TCF4: variants seen among roughly 807,000 people sequenced by gnomAD.
The protein encoded by TCF4 is transcription factor 4.
Under a neutral mutation model 82.1 loss-of-function variants are expected in TCF4, and 3 were observed. That is an observed-to-expected ratio of 0.04 (90% CI 0.02 to 0.09). The LOEUF (loss-of-function observed/expected upper bound fraction) is 0.09, where lower values mean the gene tolerates loss of function less well. Among genes scored for constraint, TCF4 ranks in the 10% least tolerant of loss-of-function variants. The probability of loss-of-function intolerance (pLI) is 1.00; values close to 1 mark genes in which losing one functional copy is unlikely to be tolerated. For synonymous variants in TCF4, 276 were observed against 309.6 expected, an observed-to-expected ratio of 0.89 and a Z score of 1.14; for missense variants, 518 against 852.7, an observed-to-expected ratio of 0.61 and a Z score of 4.89.
At chr18:55,615,340 A>G (rs1248500959) in intron 2 of TCF4, among the ~76,000 whole-genome samples, 2 of 151,930 alleles carry the variant, frequency 1.3e-5, no homozygotes, top group East Asian at 1.9e-4. Flanking sequence ...TAAATTTCTA[A>G]TTGTTCTTAG....
intron 3 of TCF4, among the ~76,000 whole-genome samples, chr18:55,560,034 T>C (rs1400445899): frequency 6.6e-6 from 1 of 152,184 alleles, no homozygotes; most frequent in African/African-American, 2.4e-5. Context: ...CCACTGAATA[T>C]TAGAAGCTGT....
At chr18:55,320,643 C>A (rs1032088897) in intron 8 of TCF4, among the ~76,000 whole-genome samples, 1 of 152,204 alleles carries the variant, frequency 6.6e-6, no homozygotes, top group African/African-American at 2.4e-5. Context: ...TTCCTGAAAG[C>A]TCTGATCTGT....
intron 9 of TCF4, among the ~76,000 whole-genome samples, chr18:55,276,346 A>G (rs2061494834): frequency 6.6e-6 from 1 of 152,182 alleles, no homozygotes; most frequent in South Asian, 2.1e-4. Flanking sequence ...GTGTATAGGT[A>G]TATAGCTATC....
chr18:55,616,284 A>G lies in TCF4; in HGVS notation c.286+15014T>C, dbSNP rs190306301. On this transcript the variant is annotated intron_variant, in intron 2 of 20. Coordinates refer to the TCF4 transcript ENST00000398339. ...AGCATAATGTCCTCCAGGTTCATCC[A>G]TGTGGTCACACATGACAGGATTTTT... 4.6e-5 allele frequency among the ~76,000 whole-genome samples: 7 copies of G among 152,236 alleles called. No individual in the cohort carries two copies. In the East Asian group the frequency reaches 1.2e-3, roughly 25 times the overall value.
At chr18:55,329,930 C>T (rs1296800028) in intron 8 of TCF4, among the ~76,000 whole-genome samples, 2 of 152,162 alleles carry the variant, frequency 1.3e-5, no homozygotes, top group Non-Finnish European at 2.9e-5. Flanking sequence ...AACAGGTCAA[C>T]TCTCACCCTT....
chr18:55,468,290 G>A (rs974891612), intron 3 of TCF4, among the ~76,000 whole-genome samples: 3 of 152,110 alleles, frequency 2.0e-5, no homozygotes, highest in Non-Finnish European at 4.4e-5. Context: ...GCTAGAAGTG[G>A]GTCAAAACTT....
At chr18:55,253,205 A>G (rs931762177) in intron 15 of TCF4, among the ~76,000 whole-genome samples, 6 of 152,210 alleles carry the variant, frequency 3.9e-5, no homozygotes, top group African/African-American at 1.4e-4. Flanking sequence ...TTAGACTTTT[A>G]TTAAGAGAAA....
chr18:55,346,203 TA>T (rs2081143627), intron 8 of TCF4, among the ~76,000 whole-genome samples: 1 of 152,192 alleles, frequency 6.6e-6, no homozygotes, highest in Admixed American at 6.5e-5. Flanking sequence ...AATCCATACT[TA>T]AATATTTCAT....
chr18:55,292,840 C>T (rs1021925742), intron 8 of TCF4, among the ~76,000 whole-genome samples: 2 of 151,882 alleles, frequency 1.3e-5, no homozygotes, highest in Non-Finnish European at 2.9e-5. Context: ...CATCTTTATA[C>T]GTCTATATTT....
At chr18:55,301,128 G>A (rs557119307) in intron 8 of TCF4, among the ~76,000 whole-genome samples, 1 of 152,186 alleles carries the variant, frequency 6.6e-6, no homozygotes, top group Admixed American at 6.5e-5. Flanking sequence ...CCAATTACAA[G>A]GCAATTAGAA....
In TCF4 at chr18:55,279,792, C is replaced by T. The variant is rs2062177200; in HGVS notation, c.550-136G>A. 1.2e-5 allele frequency: 16 copies of T among 1,379,386 alleles called. 1 individual carries two copies. In the South Asian group the frequency reaches 1.7e-4, roughly 15 times the overall value. 85.4% of individuals were successfully genotyped at this position (1,379,386 alleles called of 1,614,324 possible). A position where few individuals can be genotyped will look rare whatever the true frequency, so the allele number is the denominator to read the frequency against. ...TTTAAATCTGAACAAACCCTAGAAACAGTGCCCTTTCCGAACACACTAAAA... is the reference window on the plus strand; with the variant it reads ...TTTAAATCTGAACAAACCCTAGAAATAGTGCCCTTTCCGAACACACTAAAA... On this transcript the variant is annotated intron_variant, in intron 8 of 19. Transcript: ENST00000354452.
chr18:55,524,358 A>C (rs1409621089), intron 3 of TCF4, among the ~76,000 whole-genome samples: 1 of 152,106 alleles, frequency 6.6e-6, no homozygotes, highest in Non-Finnish European at 1.5e-5. Flanking sequence ...TATCTAATTC[A>C]ATTTAAAAAA....
At chr18:55,270,007 G>C (rs370659835) in intron 10 of TCF4, 44 bp from the exon 11 acceptor site, 1 of 1,610,248 alleles carries the variant, frequency 6.2e-7, no homozygotes, top group Non-Finnish European at 8.5e-7. Flanking sequence ...TAATCATAAG[G>C]TATTTAGTGA....
intron 2 of TCF4, among the ~76,000 whole-genome samples, chr18:55,614,937 A>AAT (rs1312013338): frequency 1.3e-5 from 2 of 152,160 alleles, no homozygotes; most frequent in African/African-American, 4.8e-5. Flanking sequence ...CCAAAGTATG[A>AAT]ATCAAAGTTA....
intron 3 of TCF4, among the ~76,000 whole-genome samples, chr18:55,548,051 C>G (rs1270682372): frequency 6.6e-6 from 1 of 152,218 alleles, no homozygotes; most frequent in South Asian, 2.1e-4. Flanking sequence ...GCTCAGTAAT[C>G]TGAACAAGTC....
intron 5 of TCF4, among the ~76,000 whole-genome samples, chr18:55,427,809 G>A (rs1424026127): frequency 6.6e-6 from 1 of 152,176 alleles, no homozygotes; most frequent in East Asian, 1.9e-4. Flanking sequence ...ATGAAAAACT[G>A]TTCAGCGAAT....
At chr18:55,525,675 T>A (rs1395107036) in intron 3 of TCF4, among the ~76,000 whole-genome samples, 1 of 152,146 alleles carries the variant, frequency 6.6e-6, no homozygotes, top group East Asian at 1.9e-4. Flanking sequence ...AAAAAGGCTA[T>A]CACTAGTTAG....
intron 3 of TCF4, among the ~76,000 whole-genome samples, chr18:55,556,099 G>A (rs1235511383): frequency 2.0e-5 from 3 of 152,124 alleles, no homozygotes; most frequent in East Asian, 3.8e-4. Flanking sequence ...ATTCTTTGCA[G>A]ATTAATTTGT....
intron 1 of TCF4, among the ~76,000 whole-genome samples, chr18:55,587,834 A>AG (rs2147894992): frequency 3.3e-5 from 1 of 30,612 alleles, no homozygotes; most frequent in South Asian, 9.3e-4. Flanking sequence ...GGTCCCTCCG[A>AG]GGGGGCATCA....
Sources: allele counts gnomAD v4.1 joint callset (sites outside exome capture counted in the v4.1 genomes callset), GRCh38; gene constraint gnomAD v4.1.1; transcripts MANE v1.5; gene names NCBI Gene and HGNC (gene_info 2026-07-23, HGNC 2026-07-21).